Variants in PLEKHG1 observed in about 807,000 individuals in gnomAD.
The protein encoded by PLEKHG1 is pleckstrin homology domain-containing family G member 1.
In PLEKHG1, 44 loss-of-function variants were observed where a neutral mutation model predicts 100.8. The ratio of observed to expected loss-of-function variants is 0.44; its 90% CI spans 0.34 to 0.56. The LOEUF (loss-of-function observed/expected upper bound fraction) is 0.56, where lower values mean the gene tolerates loss of function less well. PLEKHG1 is among the 20% of genes least tolerant of loss of function. PLEKHG1 has a pLI of 0.01. For synonymous variants in PLEKHG1, 640 were observed against 662.5 expected (o/e 0.97, Z 0.52); for missense variants, 1,545 against 1,720.9 (o/e 0.90, Z 1.81).
chr6:150,652,819 T>C (rs1778806281), intron 3 of PLEKHG1, among the ~76,000 whole-genome samples: 1 of 152,140 alleles, frequency 6.6e-6, no homozygotes, highest in Non-Finnish European at 1.5e-5. Context: ...ATTAAAAGCT[T>C]AAGTGCAACA....
At chr6:150,652,493 G>T (rs556385396) in intron 3 of PLEKHG1, among the ~76,000 whole-genome samples, 71 of 151,968 alleles carry the variant, frequency 4.7e-4, no homozygotes, top group Non-Finnish European at 4.9e-4. Flanking sequence ...GAGGCCGAGG[G>T]GGGTGGATCA....
intron 2 of PLEKHG1, among the ~76,000 whole-genome samples, chr6:150,767,425 C>G (rs1477297310): frequency 6.6e-6 from 1 of 152,186 alleles, no homozygotes; most frequent in Non-Finnish European, 1.5e-5. Flanking sequence ...GGTTTATGTA[C>G]ATTGGTTTAT....
chr6:150,779,344 G>GTTTTTTTTTT (rs71554482), intron 3 of PLEKHG1, among the ~76,000 whole-genome samples: 3 of 104,534 alleles, frequency 2.9e-5, no homozygotes, highest in African/African-American at 4.3e-5. Context: ...TTGTCAAGAA[G>GTTTTTTTTTT]TTTTTTTTTT....
chr6:150,782,363 C>A (rs1483251758), intron 3 of PLEKHG1, among the ~76,000 whole-genome samples: 1 of 152,030 alleles, frequency 6.6e-6, no homozygotes, highest in Non-Finnish European at 1.5e-5. Context: ...CATTGCACTC[C>A]AGCTTGGGCA....
At chr6:150,619,766 C>T (rs887995240) in intron 1 of PLEKHG1, among the ~76,000 whole-genome samples, 2 of 152,076 alleles carry the variant, frequency 1.3e-5, no homozygotes, top group African/African-American at 4.8e-5. Flanking sequence ...TTTCTTTCAC[C>T]CTTCTACATT....
intron 10 of PLEKHG1, among the ~76,000 whole-genome samples, chr6:150,811,273 G>GT (rs35935485): frequency 0.78 from 107,247 of 137,538 alleles, 38,738 homozygotes; most frequent in South Asian, 0.85. Flanking sequence ...GATAGGGAAT[G>GT]TTTTTTTTTT....
At chr6:150,825,816 T>TA (rs1776565876) in intron 14 of PLEKHG1, among the ~76,000 whole-genome samples, 1 of 152,168 alleles carries the variant, frequency 6.6e-6, no homozygotes, top group South Asian at 2.1e-4. Context: ...TTAAAAAGAT[T>TA]AAATGCAACA....
intron 11 of PLEKHG1, among the ~76,000 whole-genome samples, chr6:150,818,689 G>T (rs1410394341): frequency 1.3e-5 from 2 of 152,292 alleles, no homozygotes; most frequent in East Asian, 3.9e-4. Context: ...GCTTACAAAA[G>T]CAGGAGAGAA....
At chr6:150,818,482 G>A (rs1170955637) in intron 11 of PLEKHG1, among the ~76,000 whole-genome samples, 1 of 152,274 alleles carries the variant, frequency 6.6e-6, no homozygotes, top group Non-Finnish European at 1.5e-5. Flanking sequence ...TATGTCTCCA[G>A]GGTCAACTCT....
chr6:150,730,901 C>CA (rs59262689), intron 1 of PLEKHG1, among the ~76,000 whole-genome samples: 143 of 138,232 alleles, frequency 1.0e-3, no homozygotes, highest in Middle Eastern at 3.7e-3. Flanking sequence ...AACTCTGTCT[C>CA]AAAAAAAAAA....
chr6:150,675,179 A>G (rs756765595), intron 3 of PLEKHG1, among the ~76,000 whole-genome samples: 3 of 152,142 alleles, frequency 2.0e-5, no homozygotes, highest in Non-Finnish European at 4.4e-5. Flanking sequence ...CATGAACACG[A>G]TCATTTTTCC....
intron 3 of PLEKHG1, among the ~76,000 whole-genome samples, chr6:150,687,218 A>G (rs931321132): frequency 1.3e-5 from 2 of 152,218 alleles, no homozygotes; most frequent in Non-Finnish European, 2.9e-5. Flanking sequence ...GTCACATAGT[A>G]AAAGATTATT....
Position 150,810,476 on chromosome 6 carries a change from GA to G in PLEKHG1, c.1278+745del, listed in dbSNP as rs1227770304. On this transcript the variant is annotated intron_variant, in intron 10 of 15. Transcript: ENST00000358517. ...AAGACCCTGTCTCAAAAAAAAGAAA[GA>G]AAGAAAGAAGGAAGGAAGGAGGGAA... Among the ~76,000 whole-genome samples the G allele has an allele frequency of 2.7e-4, 26 of 95,952 alleles. No individual in the cohort carries two copies. The South Asian group carries it at 4.1e-3, about 15-fold the overall frequency. The allele number at this position is 95,952 out of a possible 152,430, so 62.9% of individuals were successfully genotyped here.
chr6:150,773,903 T>C (rs1301160273), intron 3 of PLEKHG1, among the ~76,000 whole-genome samples: 1 of 152,214 alleles, frequency 6.6e-6, no homozygotes, highest in African/African-American at 2.4e-5. Context: ...CATGTAACTT[T>C]TATGTTTTTT....
chr6:150,715,926 G>T (rs1205886427), intron 3 of PLEKHG1, among the ~76,000 whole-genome samples: 2 of 147,928 alleles, frequency 1.4e-5, no homozygotes, highest in African/African-American at 4.9e-5. Context: ...GGCTAACACG[G>T]TGAAACCCCG....
intron 7 of PLEKHG1, among the ~76,000 whole-genome samples, chr6:150,805,917 C>A (rs1352171151): frequency 1.3e-5 from 2 of 152,146 alleles, no homozygotes; most frequent in African/African-American, 2.4e-5. Context: ...GAACTTTTGA[C>A]AGCTGTTGGG....
intron 14 of PLEKHG1, among the ~76,000 whole-genome samples, chr6:150,825,087 T>G (rs1776521979): frequency 6.6e-6 from 1 of 152,108 alleles, no homozygotes; most frequent in African/African-American, 2.4e-5. Context: ...GTTCTAGAGA[T>G]TCAGTCTCAG....
chr6:150,678,543 T>C (rs998648606), intron 3 of PLEKHG1, among the ~76,000 whole-genome samples: 136 of 152,304 alleles, frequency 8.9e-4, no homozygotes, highest in African/African-American at 3.2e-3. Context: ...CTGATGTAAA[T>C]AGTAGGAATT....
chr6:150,658,511 T>G (rs778022530), intron 3 of PLEKHG1, among the ~76,000 whole-genome samples: 2 of 152,232 alleles, frequency 1.3e-5, no homozygotes, highest in Non-Finnish European at 2.9e-5. Flanking sequence ...AAATGGAATA[T>G]AGTAACCAGA....
Sources: gnomAD v4.1 joint callset for allele counts (sites outside exome capture counted in the v4.1 genomes callset) on GRCh38, gnomAD v4.1.1 for gene constraint, MANE v1.5 for transcripts, NCBI Gene and HGNC (gene_info 2026-07-23, HGNC 2026-07-21) for gene names.